Variants in CTNNA2 observed in about 807,000 individuals in gnomAD.
CTNNA2 encodes catenin alpha-2.
CTNNA2 carries 42 observed loss-of-function variants against 101.0 expected under a neutral mutation model. The observed-to-expected ratio is 0.42, with a 90% CI of 0.32 to 0.54. The LOEUF (loss-of-function observed/expected upper bound fraction) is 0.54, where lower values mean the gene tolerates loss of function less well. CTNNA2 is among the 20% of genes least tolerant of loss of function. The probability of loss-of-function intolerance (pLI) is 0.14; values close to 1 mark genes in which losing one functional copy is unlikely to be tolerated. For missense variants in CTNNA2, 871 were observed against 1,223.1 expected (o/e 0.71, Z 4.29); for synonymous variants, 450 against 456.4 (o/e 0.99, Z 0.18).
chr2:79,850,466 G>A (rs977589335), intron 3 of CTNNA2, among the ~76,000 whole-genome samples: 2 of 138,486 alleles, frequency 1.4e-5, no homozygotes, highest in African/African-American at 2.7e-5. Flanking sequence ...TCCCTTGCTT[G>A]CTTCCTTCCT....
At chr2:80,520,580 C>T (rs79612485) in intron 9 of CTNNA2, among the ~76,000 whole-genome samples, 4,289 of 152,188 alleles carry the variant, frequency 0.028, 88 homozygotes, top group Non-Finnish European at 0.036. Flanking sequence ...GTGGCTAACT[C>T]CTTACTGTAT....
At chr2:80,618,466 A>G (rs887497262) in intron 17 of CTNNA2, among the ~76,000 whole-genome samples, 3 of 151,948 alleles carry the variant, frequency 2.0e-5, no homozygotes, top group Admixed American at 6.6e-5. Flanking sequence ...TTATTGGCTT[A>G]TCCTTTAAAT....
chr2:79,707,361 C>T (rs1177670905), intron 2 of CTNNA2, among the ~76,000 whole-genome samples: 2 of 152,226 alleles, frequency 1.3e-5, no homozygotes, highest in East Asian at 3.9e-4. Context: ...TAGAGAGAGA[C>T]CAGGTGTGTG....
chr2:79,282,237 T>C (rs941907093), intron 2 of CTNNA2, among the ~76,000 whole-genome samples: 2 of 152,134 alleles, frequency 1.3e-5, no homozygotes, highest in Admixed American at 6.5e-5. Flanking sequence ...ATCTTCTTTA[T>C]AATCTTTTTT....
At chr2:80,202,205 T>C (rs182163355) in intron 7 of CTNNA2, among the ~76,000 whole-genome samples, 200 of 152,336 alleles carry the variant, frequency 1.3e-3, no homozygotes, top group African/African-American at 4.6e-3. Context: ...TAAACCTGTA[T>C]GTACCTGTAT....
At chr2:80,096,931 G>A (rs1223994218) in intron 7 of CTNNA2, among the ~76,000 whole-genome samples, 9 of 152,144 alleles carry the variant, frequency 5.9e-5, no homozygotes, top group Non-Finnish European at 1.2e-4. Flanking sequence ...CCTGAATACA[G>A]CACACTGATG....
At chr2:79,853,670 CTTT>C (rs10607231) in intron 3 of CTNNA2, among the ~76,000 whole-genome samples, 38 of 129,912 alleles carry the variant, frequency 2.9e-4, no homozygotes, top group Non-Finnish European at 3.6e-4. Context: ...TATTATTTTT[CTTT>C]TTTTTTTTTT....
intron 7 of CTNNA2, among the ~76,000 whole-genome samples, chr2:80,214,597 G>T (rs1708131881): frequency 6.6e-6 from 1 of 152,128 alleles, no homozygotes; most frequent in South Asian, 2.1e-4. Context: ...TAGTCTGATG[G>T]GCTTCCCTTT....
chr2:79,750,162 C>T (rs11896754), intron 3 of CTNNA2, among the ~76,000 whole-genome samples: 1 of 152,158 alleles, frequency 6.6e-6, no homozygotes, highest in African/African-American at 2.4e-5. Flanking sequence ...AAGCTCTGGA[C>T]CAAGGAAAGC....
intron 9 of CTNNA2, among the ~76,000 whole-genome samples, chr2:80,494,616 G>A (rs1205372167): frequency 1.3e-5 from 2 of 152,122 alleles, no homozygotes; most frequent in Admixed American, 6.6e-5. Flanking sequence ...GGGTCATGAT[G>A]TGGAAAAGAG....
intron 3 of CTNNA2, among the ~76,000 whole-genome samples, chr2:79,798,441 T>G (rs760014129): frequency 3.9e-5 from 6 of 152,166 alleles, no homozygotes; most frequent in Non-Finnish European, 7.4e-5. Context: ...TTTCCTTTTA[T>G]TCAGTTAGAT....
chr2:79,483,266 G>A (rs1456441784), intron 4 of CTNNA2, among the ~76,000 whole-genome samples: 1 of 152,154 alleles, frequency 6.6e-6, no homozygotes, highest in African/African-American at 2.4e-5. Flanking sequence ...CATTTCATTT[G>A]CCAAAGCGAG....
chr2:79,416,513 A>G (rs28382400), intron 4 of CTNNA2, among the ~76,000 whole-genome samples: 5,146 of 152,132 alleles, frequency 0.034, 147 homozygotes, highest in African/African-American at 0.085. Flanking sequence ...AATTTAATTT[A>G]ATAAAGCATT....
chr2:79,281,828 T>C (rs1410395287), intron 2 of CTNNA2, among the ~76,000 whole-genome samples: 1 of 152,238 alleles, frequency 6.6e-6, no homozygotes, highest in Non-Finnish European at 1.5e-5. Context: ...TATCAATTTA[T>C]GGCATAGATT....
intron 3 of CTNNA2, among the ~76,000 whole-genome samples, chr2:79,767,314 G>T (rs1347250891): frequency 6.6e-6 from 1 of 152,046 alleles, no homozygotes; most frequent in Non-Finnish European, 1.5e-5. Flanking sequence ...TGTCTGAGGG[G>T]TCACATGTCT....
chr2:79,437,726 G>T lies in CTNNA2; in HGVS notation c.-135+63713G>T, dbSNP rs117217644. On this transcript the variant is annotated intron_variant, in intron 4 of 21. Coordinates refer to the CTNNA2 transcript ENST00000466387. ...ATATGACTGGACCTTTCCCAGTGGG[G>T]TGTCTAGGATTTTAAAAGGGAAGCG... Among the ~76,000 whole-genome samples, 818 of 152,308 alleles carry T rather than the reference G, an allele frequency of 5.4e-3. 6 individuals carry two copies. Among genetic ancestry groups the T allele is most frequent in the African/African-American group, 0.017 (723 of 41,546 alleles).
chr2:79,360,967 A>G (rs900970688), intron 3 of CTNNA2, among the ~76,000 whole-genome samples: 3 of 152,204 alleles, frequency 2.0e-5, no homozygotes, highest in African/African-American at 4.8e-5. Context: ...TGTCAGTCTC[A>G]GTGGGAGTTA....
chr2:79,645,082 A>G (rs1315308022), intron 1 of CTNNA2, among the ~76,000 whole-genome samples: 2 of 152,014 alleles, frequency 1.3e-5, no homozygotes, highest in Non-Finnish European at 2.9e-5. Flanking sequence ...TCCTGGGCTC[A>G]GGCCATCTTC....
intron 18 of CTNNA2, among the ~76,000 whole-genome samples, chr2:80,636,408 TTG>T: frequency 6.6e-6 from 1 of 152,224 alleles, no homozygotes; most frequent in East Asian, 1.9e-4. Context: ...ACCCAAGTGT[TTG>T]TGTTTTGAAG....
Sources: gnomAD v4.1 joint callset for allele counts (sites outside exome capture counted in the v4.1 genomes callset) on GRCh38, gnomAD v4.1.1 for gene constraint, MANE v1.5 for transcripts, NCBI Gene and HGNC (gene_info 2026-07-23, HGNC 2026-07-21) for gene names.